Variants in ANKIB1 observed in about 807,000 individuals in gnomAD.
ANKIB1 encodes ankyrin repeat and IBR domain containing 1.
ANKIB1 carries 43 observed loss-of-function variants against 122.1 expected under a neutral mutation model. The ratio of observed to expected loss-of-function variants is 0.35; its 90% CI spans 0.28 to 0.45. ANKIB1 has a LOEUF of 0.45. Among genes scored for constraint, ANKIB1 ranks in the 20% least tolerant of loss-of-function variants. The probability of loss-of-function intolerance (pLI) is 1.00; values close to 1 mark genes in which losing one functional copy is unlikely to be tolerated. For synonymous variants in ANKIB1, 390 were observed against 442.0 expected, an observed-to-expected ratio of 0.88 and a Z score of 1.48; for missense variants, 992 against 1,329.5, an observed-to-expected ratio of 0.75 and a Z score of 3.95.
chr7:92,291,163 G>A (rs1037230978), intron 1 of ANKIB1, among the ~76,000 whole-genome samples: 4 of 152,056 alleles, frequency 2.6e-5, no homozygotes, highest in Non-Finnish European at 5.9e-5. Context: ...TTGTGGTGGC[G>A]TATGCCTGTA....
intron 3 of ANKIB1, among the ~76,000 whole-genome samples, chr7:92,309,940 AAAAT>A (rs1268162753): frequency 1.9e-5 from 2 of 105,308 alleles, no homozygotes; most frequent in Non-Finnish European, 3.8e-5. Flanking sequence ...AAAAAAAAAA[AAAAT>A]ATATATATAT....
chr7:92,256,078 TATC>T (rs1433138101), intron 1 of ANKIB1, among the ~76,000 whole-genome samples: 1 of 152,214 alleles, frequency 6.6e-6, no homozygotes, highest in Non-Finnish European at 1.5e-5. Flanking sequence ...GGGGAGCTAT[TATC>T]ATGAAACTTG....
chr7:92,392,321 G>T (rs1804802951), intron 17 of ANKIB1, 29 bp downstream of exon 17: 3 of 1,602,034 alleles, frequency 1.9e-6, no homozygotes, highest in Non-Finnish European at 1.7e-6. Flanking sequence ...TTTTGTTTTT[G>T]TATTTTTTCT....
intron 10 of ANKIB1, among the ~76,000 whole-genome samples, chr7:92,364,882 C>T (rs1804037893): frequency 6.6e-6 from 1 of 152,032 alleles, no homozygotes; most frequent in Non-Finnish European, 1.5e-5. Flanking sequence ...TAAATTATGC[C>T]ATTAGTGAAA....
chr7:92,288,063 A>G (rs1055156434), intron 1 of ANKIB1, among the ~76,000 whole-genome samples: 98 of 149,112 alleles, frequency 6.6e-4, no homozygotes, highest in Middle Eastern at 3.5e-3. Context: ...AAAAACTGCC[A>G]CCATTCATGG....
At chr7:92,288,849 G>GA (rs538444750) in intron 1 of ANKIB1, among the ~76,000 whole-genome samples, 103 of 145,824 alleles carry the variant, frequency 7.1e-4, no homozygotes, top group South Asian at 1.5e-3. Flanking sequence ...TACCAAAAAA[G>GA]AAAAAAAAAA....
At chr7:92,388,236 GCCT>G (rs1428082385) in intron 14 of ANKIB1, among the ~76,000 whole-genome samples, 195 bp downstream of exon 14, 1 of 152,166 alleles carries the variant, frequency 6.6e-6, no homozygotes, top group Non-Finnish European at 1.5e-5. Flanking sequence ...CCAGCACCTA[GCCT>G]CCTCCTCTTG....
rs377006797 is a variant in ANKIB1 at position 92,382,835 on chromosome 7, G to A, written c.1618-3674G>A. Among the ~76,000 whole-genome samples the A allele has an allele frequency of 3.9e-5, 6 of 152,114 alleles. 1 individual carries two copies. The highest frequency in any genetic ancestry group is 2.4e-5 in the African/African-American group (1 of 41,504). ...TAACATCACAATTAAAAGAACTAGA[G>A]AAGCAAGAGCAAACACATTCAAAAG... On this transcript the variant is annotated intron_variant, in intron 11 of 19. Transcript: ENST00000265742.
rs1421922475 is a variant in ANKIB1 at position 92,398,397 on chromosome 7, T to A, written c.2718T>A (p.Pro906=). Residue 906 remains proline, a synonymous_variant, in exon 20 of 20, where the codon CCT becomes CCA. Transcript: ENST00000265742. ...CTGTCCCCAGAAATACAGATAGCCC[T>A]CGGGCTGCATTGAGCAGCTCTGAGC... ...LDSVPRNTDS[P]RAALSSSELL... The A allele has an allele frequency of 6.2e-7, 1 of 1,613,316 alleles. No individual in the cohort carries two copies. The highest frequency in any genetic ancestry group is 8.5e-7 in the Non-Finnish European group (1 of 1,179,628).
intron 11 of ANKIB1, among the ~76,000 whole-genome samples, chr7:92,372,748 T>C (rs968165207): frequency 2.0e-5 from 3 of 152,180 alleles, no homozygotes; most frequent in African/African-American, 7.2e-5. Context: ...ATTAATAACA[T>C]TTTATTAATC....
At chr7:92,257,726 A>G (rs1389281570) in intron 1 of ANKIB1, among the ~76,000 whole-genome samples, 2 of 152,244 alleles carry the variant, frequency 1.3e-5, no homozygotes, top group African/African-American at 4.8e-5. Flanking sequence ...CTGGAGGCGG[A>G]GGTTGCCATG....
At position 92,384,225 on chromosome 7, in the gene ANKIB1, G is replaced by C. The variant is rs545219217; in HGVS notation, c.1618-2284G>C. On this transcript the variant is annotated intron_variant, in intron 11 of 19. Transcript: ENST00000265742. ...GGAGAGCTACAAACCACTGTTCAAT[G>C]AAATAAAAGAGGACACAGACAAATG... Among the ~76,000 whole-genome samples the C allele has an allele frequency of 3.3e-5, 5 of 152,240 alleles. No homozygotes were observed. The South Asian group carries it at 1.0e-3, about 32-fold the overall frequency.
chr7:92,282,021 T>C (rs962979844), intron 1 of ANKIB1, among the ~76,000 whole-genome samples: 4 of 152,234 alleles, frequency 2.6e-5, no homozygotes, highest in African/African-American at 9.6e-5. Flanking sequence ...TCAAAAGATA[T>C]TTGACTATAG....
At chr7:92,344,876 TTACTG>T (rs1803508453) in intron 6 of ANKIB1, 97 bp from the exon 7 acceptor site, 8 of 878,246 alleles carry the variant, frequency 9.1e-6, no homozygotes, top group Non-Finnish European at 1.2e-5. Flanking sequence ...AAACTTTTAA[TTACTG>T]TACTAGTATT....
chr7:92,363,090 G>A (rs1032962794), intron 10 of ANKIB1, among the ~76,000 whole-genome samples: 1 of 151,666 alleles, frequency 6.6e-6, no homozygotes, highest in Admixed American at 6.6e-5. Flanking sequence ...GTGTTAGCTT[G>A]AGATGTCACA....
chr7:92,336,323 C>T (rs571945100), intron 5 of ANKIB1, among the ~76,000 whole-genome samples: 12 of 151,910 alleles, frequency 7.9e-5, no homozygotes, highest in South Asian at 2.1e-4. Flanking sequence ...AATTTACACT[C>T]GGTTCTTTTT....
At chr7:92,381,047 TAGAGAAG>T (rs1010936581) in intron 11 of ANKIB1, among the ~76,000 whole-genome samples, 4 of 152,114 alleles carry the variant, frequency 2.6e-5, no homozygotes, top group African/African-American at 9.7e-5. Flanking sequence ...ATAAACAGTG[TAGAGAAG>T]ACCTTAAATG....
chr7:92,292,604 C>T (rs895890759), intron 1 of ANKIB1, among the ~76,000 whole-genome samples: 3 of 151,840 alleles, frequency 2.0e-5, no homozygotes, highest in African/African-American at 7.3e-5. Context: ...TGAAAGTTTC[C>T]CAATAGTAGC....
intron 8 of ANKIB1, among the ~76,000 whole-genome samples, chr7:92,352,194 C>T (rs148048539): frequency 1.2e-4 from 18 of 152,248 alleles, no homozygotes; most frequent in African/African-American, 4.3e-4. Flanking sequence ...TCTGTGCAAA[C>T]AATTACATTT....
Sources: gnomAD v4.1 joint callset for allele counts (sites outside exome capture counted in the v4.1 genomes callset) on GRCh38, gnomAD v4.1.1 for gene constraint, MANE v1.5 for transcripts, NCBI Gene and HGNC (gene_info 2026-07-23, HGNC 2026-07-21) for gene names.